SLC7A2: variants seen among roughly 807,000 people sequenced by gnomAD.
SLC7A2 encodes solute carrier family 7 member 2.
A neutral mutation model predicts 58.9 loss-of-function variants in SLC7A2; 48 were observed. That is an observed-to-expected ratio of 0.82 (90% CI 0.65 to 1.04). SLC7A2 has a LOEUF of 1.04. Among genes scored for constraint, SLC7A2 ranks in the 50% least tolerant of loss-of-function variants. The pLI, the probability that SLC7A2 is intolerant of heterozygous loss-of-function variation, is 0.00. For missense variants in SLC7A2, 1,029 were observed against 818.8 expected (o/e 1.26, Z -3.13); for synonymous variants, 363 against 314.5 (o/e 1.15, Z -1.63).
chr8:17,525,025 A>G (rs1464385097), intron 2 of SLC7A2, among the ~76,000 whole-genome samples: 1 of 152,152 alleles, frequency 6.6e-6, no homozygotes, highest in African/African-American at 2.4e-5. Flanking sequence ...CAGAGTTGTA[A>G]TCTAACACAG....
chr8:17,551,399 G>C (rs1379707695), intron 6 of SLC7A2, among the ~76,000 whole-genome samples: 1 of 152,174 alleles, frequency 6.6e-6, no homozygotes, highest in East Asian at 1.9e-4. Flanking sequence ...AGGAATTAGA[G>C]ACTAGACTGG....
At chr8:17,530,601 C>G (rs1000344673) in intron 2 of SLC7A2, among the ~76,000 whole-genome samples, 4 of 147,778 alleles carry the variant, frequency 2.7e-5, no homozygotes, top group Admixed American at 6.8e-5. Flanking sequence ...GAGACAGGGT[C>G]TCTCTCTGAC....
In SLC7A2 at chr8:17,554,679, T is replaced by C; in HGVS notation, c.1175T>C (p.Leu392Ser). The C allele has an allele frequency of 6.2e-7, 1 of 1,612,054 alleles. No individual in the cohort carries two copies. Among genetic ancestry groups the C allele is most frequent in the Non-Finnish European group, 8.5e-7 (1 of 1,179,556 alleles). The part of the protein sequence containing the change: ...SKTKTPIIAT[L>S]SSGAVAALMA... Reference sequence around the variant, plus strand: ...ACGAAGACACCAATAATTGCTACTTTATCATCGGGTGCAGTGGCAGGTGAG... The same window carrying C: ...ACGAAGACACCAATAATTGCTACTTCATCATCGGGTGCAGTGGCAGGTGAG... Residue 392 changes from leucine to serine, a missense_variant, in exon 8 of 13, where the codon TTA becomes TCA. Coordinates refer to ENST00000494857, the MANE Select transcript of SLC7A2 (RefSeq NM_001370338.1).
chr8:17,501,330 A>C (rs1020044029), intron 1 of SLC7A2, among the ~76,000 whole-genome samples: 1 of 152,202 alleles, frequency 6.6e-6, no homozygotes, highest in African/African-American at 2.4e-5. Context: ...GGACTCTTAA[A>C]GTTTAAATAT....
upstream of SLC7A2, among the ~76,000 whole-genome samples, chr8:17,494,680 G>A (rs1274687286): frequency 6.6e-6 from 1 of 152,042 alleles, no homozygotes; most frequent in African/African-American, 2.4e-5. Flanking sequence ...TAAATCCGTG[G>A]GCATCCTATT....
intron 2 of SLC7A2, among the ~76,000 whole-genome samples, chr8:17,542,301 A>G (rs574336699): frequency 1.3e-4 from 20 of 152,306 alleles, no homozygotes; most frequent in African/African-American, 4.8e-4. Context: ...GACCCCATCT[A>G]TGTAAGAGAT....
At chr8:17,546,240 G>C (rs966981399) in intron 4 of SLC7A2, among the ~76,000 whole-genome samples, 1 of 152,126 alleles carries the variant, frequency 6.6e-6, no homozygotes, top group African/African-American at 2.4e-5. Flanking sequence ...GACACAATTA[G>C]AACATAGTTT....
At chr8:17,556,505 C>G (rs546180311) in intron 8 of SLC7A2, among the ~76,000 whole-genome samples, 3 of 151,960 alleles carry the variant, frequency 2.0e-5, no homozygotes, top group Non-Finnish European at 4.4e-5. Flanking sequence ...GATCAGAGCG[C>G]TTGTGTGGAC....
chr8:17,562,177 AGTATTTTTTTT>A, intron 11 of SLC7A2, 67 bp downstream of exon 11: 5 of 601,598 alleles, frequency 8.3e-6, no homozygotes, highest in East Asian at 5.3e-5. Flanking sequence ...TAGTTTGGTA[AGTATTTTTTTT>A]TTTTTTTTTT....
intron 2 of SLC7A2, among the ~76,000 whole-genome samples, chr8:17,540,285 C>T (rs938952144): frequency 2.4e-4 from 36 of 152,194 alleles, no homozygotes; most frequent in Admixed American, 2.2e-3. Flanking sequence ...CCAGGCTGTG[C>T]GTAGTTGAGA....
chr8:17,517,192 T>C (rs920584343), intron 2 of SLC7A2, among the ~76,000 whole-genome samples: 2 of 152,226 alleles, frequency 1.3e-5, no homozygotes, highest in Admixed American at 1.3e-4. Context: ...TACTCATTTA[T>C]TTCTAGGCAC....
At chr8:17,558,230 G>A (rs1009568301) in intron 8 of SLC7A2, 65 bp from the exon 9 acceptor site, 18 of 1,022,176 alleles carry the variant, frequency 1.8e-5, no homozygotes, top group African/African-American at 1.6e-4. Context: ...TGACTTGAAC[G>A]TTAGTAACTG....
At chr8:17,546,933 C>A (rs1045523273) in intron 4 of SLC7A2, among the ~76,000 whole-genome samples, 59 of 151,792 alleles carry the variant, frequency 3.9e-4, no homozygotes, top group African/African-American at 1.4e-3. Context: ...TAGAAGGAAG[C>A]AAAGTAGGTG....
intron 2 of SLC7A2, among the ~76,000 whole-genome samples, chr8:17,512,997 C>T (rs75892600): frequency 0.018 from 2,701 of 152,254 alleles, 51 homozygotes; most frequent in African/African-American, 0.053. Flanking sequence ...AATAATAGTC[C>T]ATTGTATGTA....
chr8:17,557,379 GTA>G lies in SLC7A2; in HGVS notation c.1196-914_1196-913del, dbSNP rs149314901. On this transcript the variant is annotated intron_variant, in intron 8 of 12. Transcript: ENST00000494857. ...TGTTTAAAGTATGTTTTGTCTCTTA[GTA>G]TTTTGGGATTTGGTATGCAGGACCA... 5.9e-4 allele frequency among the ~76,000 whole-genome samples: 90 copies of G among 152,194 alleles called. 2 individuals are homozygous for G. The East Asian group carries it at 0.015, about 25-fold the overall frequency.
At chr8:17,521,660 G>C (rs932230653) in intron 2 of SLC7A2, among the ~76,000 whole-genome samples, 12 of 152,236 alleles carry the variant, frequency 7.9e-5, no homozygotes, top group African/African-American at 2.9e-4. Context: ...CCTCTTTTCA[G>C]CTTTCTGGCA....
chr8:17,526,348 A>T (rs2588208), intron 2 of SLC7A2, among the ~76,000 whole-genome samples: 1 of 151,990 alleles, frequency 6.6e-6, no homozygotes, highest in African/African-American at 2.4e-5. Flanking sequence ...GAGGCCTGGT[A>T]TGGTGGCAGC....
intron 1 of SLC7A2, among the ~76,000 whole-genome samples, chr8:17,499,552 T>C (rs1435087658): frequency 6.6e-6 from 1 of 150,568 alleles, no homozygotes; most frequent in Non-Finnish European, 1.5e-5. Context: ...CATGTAGATA[T>C]GAACACACTG....
chr8:17,525,837 A>G (rs539837638), intron 2 of SLC7A2, among the ~76,000 whole-genome samples: 1 of 152,348 alleles, frequency 6.6e-6, no homozygotes, highest in South Asian at 2.1e-4. Flanking sequence ...GTCTTTGGTG[A>G]TGTAAGATAC....
Sources: allele counts gnomAD v4.1 joint callset (sites outside exome capture counted in the v4.1 genomes callset), GRCh38; gene constraint gnomAD v4.1.1; transcripts MANE v1.5; gene names NCBI Gene and HGNC (gene_info 2026-07-23, HGNC 2026-07-21).